Variants in EPB41L4A observed in about 807,000 individuals in gnomAD.
EPB41L4A encodes erythrocyte membrane protein band 4.1 like 4A, also known as band 4.1-like protein 4A.
EPB41L4A carries 100 observed loss-of-function variants against 108.6 expected under a neutral mutation model. The ratio of observed to expected loss-of-function variants is 0.92; its 90% CI spans 0.78 to 1.09. The LOEUF is 1.09. Among genes scored for constraint, EPB41L4A ranks in the 50% least tolerant of loss-of-function variants. The pLI is 0.00. For missense variants in EPB41L4A, 1,030 were observed against 842.7 expected (o/e 1.22, Z -2.75); for synonymous variants, 319 against 289.0 (o/e 1.10, Z -1.05).
At chr5:112,185,139 T>G (rs754646413) in intron 17 of EPB41L4A, among the ~76,000 whole-genome samples, 1 of 151,668 alleles carries the variant, frequency 6.6e-6, no homozygotes, top group Non-Finnish European at 1.5e-5. Flanking sequence ...TTTGAATATT[T>G]AACTTCTAAT....
At chr5:112,416,716 C>T (rs934724173) in intron 1 of EPB41L4A, among the ~76,000 whole-genome samples, 3 of 152,108 alleles carry the variant, frequency 2.0e-5, no homozygotes, top group Non-Finnish European at 4.4e-5. Context: ...TAATGCAACA[C>T]ACATCAATTG....
intron 12 of EPB41L4A, among the ~76,000 whole-genome samples, chr5:112,234,076 T>C (rs1483354091): frequency 6.6e-6 from 1 of 151,600 alleles, no homozygotes; most frequent in Non-Finnish European, 1.5e-5. Flanking sequence ...CCTAGCACTT[T>C]GGGAGGCTGA....
rs761882734 is a variant in EPB41L4A, at chr5:112,168,813, T to C, written c.1858A>G (p.Thr620Ala). 107 of 1,613,122 alleles carry C rather than the reference T, an allele frequency of 6.6e-5. No homozygotes were observed. The highest frequency in any genetic ancestry group is 8.7e-5 in the Non-Finnish European group (103 of 1,179,280). The change falls in exon 22 of 23, where the codon ACA (threonine) becomes GCA (alanine). Residue 620 changes from threonine to alanine, a missense_variant. Transcript: ENST00000261486. ...RSVLSEVNSK[T>A]DLVPPLPVTR... Reference sequence around the variant, plus strand: ...ACCGGAAGTGGTGGTACAAGATCTGTTTTTGAACTGCAGAGAATGAGTTTT... The same window carrying C: ...ACCGGAAGTGGTGGTACAAGATCTGCTTTTGAACTGCAGAGAATGAGTTTT...
At chr5:112,351,428 G>A (rs1199239312) in intron 1 of EPB41L4A, among the ~76,000 whole-genome samples, 4 of 152,172 alleles carry the variant, frequency 2.6e-5, no homozygotes, top group Middle Eastern at 3.4e-3. Flanking sequence ...GAAGAAATAA[G>A]AACTTGAACA....
intron 1 of EPB41L4A, among the ~76,000 whole-genome samples, chr5:112,341,792 A>G (rs529977607): frequency 6.7e-4 from 102 of 152,032 alleles, no homozygotes; most frequent in African/African-American, 2.3e-3. Context: ...ACACACCCCA[A>G]AAGTTGTATT....
chr5:112,348,904 T>G (rs549297390), intron 1 of EPB41L4A, among the ~76,000 whole-genome samples: 1 of 152,162 alleles, frequency 6.6e-6, no homozygotes, highest in Non-Finnish European at 1.5e-5. Context: ...GAGTTTCAAA[T>G]GAAGAAGACA....
At chr5:112,326,217 C>G (rs1435507112) in intron 1 of EPB41L4A, among the ~76,000 whole-genome samples, 2 of 152,112 alleles carry the variant, frequency 1.3e-5, no homozygotes, top group Non-Finnish European at 2.9e-5. Flanking sequence ...GACTGCCTCT[C>G]TTTCCTAACA....
intron 1 of EPB41L4A, among the ~76,000 whole-genome samples, chr5:112,320,933 T>A (rs1319177918): frequency 1.3e-5 from 2 of 152,148 alleles, no homozygotes; most frequent in East Asian, 3.8e-4. Flanking sequence ...CCCCAACCCA[T>A]GAATGTGTCT....
At chr5:112,393,829 C>A (rs954204795) in intron 1 of EPB41L4A, among the ~76,000 whole-genome samples, 13 of 151,974 alleles carry the variant, frequency 8.6e-5, no homozygotes, top group African/African-American at 3.1e-4. Flanking sequence ...AACATCGATG[C>A]AAAAATCCTC....
At chr5:112,267,981 T>C (rs1434530849) in intron 4 of EPB41L4A, among the ~76,000 whole-genome samples, 1 of 152,228 alleles carries the variant, frequency 6.6e-6, no homozygotes, top group African/African-American at 2.4e-5. Context: ...TTCAATTCCC[T>C]GAATGTTCAC....
At chr5:112,174,281 C>T (rs1296367356) in intron 18 of EPB41L4A, among the ~76,000 whole-genome samples, 2 of 152,210 alleles carry the variant, frequency 1.3e-5, no homozygotes, top group Non-Finnish European at 2.9e-5. Context: ...TCATGATCTG[C>T]AGCTCAGTGT....
At chr5:112,157,827 T>C (rs181794356), downstream of EPB41L4A, among the ~76,000 whole-genome samples, 3 of 152,360 alleles carry the variant, frequency 2.0e-5, no homozygotes, top group Non-Finnish European at 4.4e-5. Flanking sequence ...ATTATTATTC[T>C]GCCTTCCACA....
At chr5:112,324,016 A>G (rs1755981676) in intron 1 of EPB41L4A, among the ~76,000 whole-genome samples, 1 of 152,220 alleles carries the variant, frequency 6.6e-6, no homozygotes, top group Non-Finnish European at 1.5e-5. Flanking sequence ...CTTAGAAGCT[A>G]CTTAACCAAT....
intron 5 of EPB41L4A, 99 bp downstream of exon 5, chr5:112,266,134 C>T: frequency 1.2e-6 from 1 of 852,828 alleles, no homozygotes; most frequent in Non-Finnish European, 1.8e-6. Context: ...TTTGCAAAAT[C>T]TCATGGATAA....
intron 11 of EPB41L4A, among the ~76,000 whole-genome samples, chr5:112,235,575 T>C (rs1323211295): frequency 6.6e-6 from 1 of 152,154 alleles, no homozygotes; most frequent in Non-Finnish European, 1.5e-5. Flanking sequence ...AAAAAGTCTT[T>C]TAATGGCCCC....
intron 1 of EPB41L4A, among the ~76,000 whole-genome samples, chr5:112,312,280 C>A (rs939773090): frequency 1.3e-5 from 2 of 152,180 alleles, no homozygotes; most frequent in African/African-American, 2.4e-5. Flanking sequence ...CCAAAATGAT[C>A]ATTCCCAAAC....
chr5:112,296,930 C>A (rs925289705), intron 2 of EPB41L4A, among the ~76,000 whole-genome samples: 1 of 151,918 alleles, frequency 6.6e-6, no homozygotes, highest in South Asian at 2.1e-4. Flanking sequence ...GCTGTGAATG[C>A]CATTAATTCA....
At chr5:112,254,254 T>C (rs942164984) in intron 9 of EPB41L4A, among the ~76,000 whole-genome samples, 4 of 152,198 alleles carry the variant, frequency 2.6e-5, no homozygotes, top group Admixed American at 1.3e-4. Context: ...TCCAGTATTA[T>C]CCTAAATTCC....
At chr5:112,238,086 G>A (rs1323137729) in intron 11 of EPB41L4A, among the ~76,000 whole-genome samples, 1 of 152,172 alleles carries the variant, frequency 6.6e-6, no homozygotes, top group Non-Finnish European at 1.5e-5. Context: ...AACAGCGTAT[G>A]TTAAAGAGGA....
Sources: allele counts gnomAD v4.1 joint callset (sites outside exome capture counted in the v4.1 genomes callset), GRCh38; gene constraint gnomAD v4.1.1; transcripts MANE v1.5; gene names NCBI Gene and HGNC (gene_info 2026-07-23, HGNC 2026-07-21).